The following C9orf72 variants were observed in gnomAD, a reference collection of about 807,000 sequenced individuals.
C9orf72 encodes C9orf72-SMCR8 complex subunit, also known as guanine nucleotide exchange factor C9orf72.
C9orf72 carries 44 observed loss-of-function variants against 51.6 expected under a neutral mutation model. That is an observed-to-expected ratio of 0.85 (90% CI 0.67 to 1.10). The LOEUF (loss-of-function observed/expected upper bound fraction) is 1.10. Ranked by LOEUF, C9orf72 falls within the 50% of genes least tolerant of loss-of-function variation. C9orf72 has a pLI of 0.00. For missense variants in C9orf72, 607 were observed against 570.6 expected (o/e 1.06, Z -0.65); for synonymous variants, 213 against 194.2 (o/e 1.10, Z -0.81).
chr9:27,552,004 C>A (rs1037986399), intron 8 of C9orf72, among the ~76,000 whole-genome samples: 2 of 152,120 alleles, frequency 1.3e-5, no homozygotes, highest in Admixed American at 1.3e-4. Flanking sequence ...ATAGAGAATG[C>A]CAAAACTTTG....
chr9:27,560,727 T>G (rs984377157), intron 5 of C9orf72: 1 of 986,150 alleles, frequency 1.0e-6, no homozygotes, highest in Admixed American at 6.1e-5. Context: ...AACACACTCA[T>G]GCCTCTGATA....
rs1306246315 is a variant in C9orf72, at chr9:27,566,796, T to C, written c.325A>G (p.Thr109Ala). ...GGAAGTATAATTGATAGTCCATATGTGCTGCGATCCCCATTCCAGTTTCCA... is the reference window on the plus strand; with the variant it reads ...GGAAGTATAATTGATAGTCCATATGCGCTGCGATCCCCATTCCAGTTTCCA... Reference protein sequence around the residue: ...FDGNWNGDRSTYGLSIILPQT... With the variant: ...FDGNWNGDRSAYGLSIILPQT... Residue 109 changes from threonine to alanine, a missense_variant, in exon 2 of 11, where the codon ACA (threonine) becomes GCA (alanine). Thr to Ala is a moderately conservative substitution (Grantham distance 58). Transcript: ENST00000380003. The C allele has an allele frequency of 3.7e-6, 6 of 1,613,896 alleles. No homozygotes were observed. Among genetic ancestry groups the C allele is most frequent in the East Asian group, 2.2e-5 (1 of 44,870 alleles).
rs914084156 is a variant in C9orf72, at chr9:27,573,461, G to C, written c.-75C>G. ...CGCCACCGCCTGCGCCTCCGCCGCC[G>C]CGGGCGCAGGCACCGCAACCGCAGC... On this transcript the variant is annotated 5_prime_UTR_variant, in exon 1 of 11. Transcript: ENST00000380003. The C allele has an allele frequency of 6.9e-5, 10 of 144,954 alleles. No homozygotes were observed. The highest frequency in any genetic ancestry group is 5.5e-4 in the Admixed American group (8 of 14,466). The allele number at this position is 144,954 out of a possible 1,614,324, so 9.0% of individuals were successfully genotyped here.
chr9:27,573,420 TC>T lies in C9orf72; in HGVS notation c.-45+10del, dbSNP rs1819635005. On this transcript the variant is annotated intron_variant, in intron 1 of 10. Coordinates refer to ENST00000380003, the MANE Select transcript of C9orf72 (RefSeq NM_018325.5). The stretch of plus-strand genomic sequence containing the variant: ...AACAGCCACCCGCCAGGATGCCGCC[TC>T]CTCACTCACCCACTCGCCACCGCCT... 1.3e-5 allele frequency: 2 copies of T among 150,990 alleles called. No individual in the cohort carries two copies. The highest frequency in any genetic ancestry group is 4.9e-5 in the African/African-American group (2 of 40,796). 9.4% of individuals were successfully genotyped at this position (150,990 alleles called of 1,614,324 possible).
chr9:27,571,141 G>C (rs1233565379), intron 1 of C9orf72: 4 of 152,154 alleles, frequency 2.6e-5, no homozygotes, highest in African/African-American at 9.7e-5. Context: ...CGTACATGTA[G>C]TGCTGTCTAC....
At chr9:27,553,038 C>T (rs1328103060) in intron 8 of C9orf72, among the ~76,000 whole-genome samples, 1 of 151,988 alleles carries the variant, frequency 6.6e-6, no homozygotes, top group Non-Finnish European at 1.5e-5. Context: ...GGAATAATAC[C>T]AGCTTTTCTT....
rs888164160 is a variant in C9orf72 at position 27,548,182 on chromosome 9, G to A, written c.*54C>T. On this transcript the variant is annotated 3_prime_UTR_variant, in exon 11 of 11. Coordinates refer to ENST00000380003, the MANE Select transcript of C9orf72 (RefSeq NM_018325.5). The stretch of plus-strand genomic sequence containing the variant: ...GGGGAACGTTTCCCCACACCACTGA[G>A]CTACTTTACCAGCGATCATGATTGT... 7 of 1,388,422 alleles carry A rather than the reference G, an allele frequency of 5.0e-6. No homozygotes were observed. The highest frequency in any genetic ancestry group is 1.5e-5 in the African/African-American group (1 of 68,678). 86.0% of individuals were successfully genotyped at this position (1,388,422 alleles called of 1,614,324 possible). A position where few individuals can be genotyped will look rare whatever the true frequency, so the allele number is the denominator to read the frequency against.
intron 7 of C9orf72, among the ~76,000 whole-genome samples, chr9:27,558,045 C>T (rs1323285152): frequency 2.7e-5 from 4 of 149,520 alleles, no homozygotes; most frequent in Admixed American, 2.7e-4. Flanking sequence ...AAGAAAAATA[C>T]AATTTTTTTC....
At chr9:27,555,540 C>T (rs1184262981) in intron 8 of C9orf72, among the ~76,000 whole-genome samples, 2 of 149,382 alleles carry the variant, frequency 1.3e-5, no homozygotes, top group African/African-American at 4.9e-5. Flanking sequence ...CTTCTATGTG[C>T]CAGGCATTAT....
intron 8 of C9orf72, among the ~76,000 whole-genome samples, chr9:27,555,088 G>A (rs923968568): frequency 2.0e-5 from 3 of 151,970 alleles, no homozygotes; most frequent in Non-Finnish European, 4.4e-5. Flanking sequence ...TCAAAAAACG[G>A]AAAAAATACT....
At chr9:27,552,494 G>A (rs1563899534) in intron 8 of C9orf72, among the ~76,000 whole-genome samples, 1 of 149,180 alleles carries the variant, frequency 6.7e-6, no homozygotes, top group African/African-American at 2.5e-5. Context: ...GACTATAGGT[G>A]CATGTCACCA....
At position 27,548,124 on chromosome 9, in the gene C9orf72, A is replaced by G; in HGVS notation, c.*112T>C. Reference sequence around the variant, plus strand: ...CTGTAGTGTAACTTACTTAACTGCAATTGCTGAGAGCAGAATTCTGGAGTA... The same window carrying G: ...CTGTAGTGTAACTTACTTAACTGCAGTTGCTGAGAGCAGAATTCTGGAGTA... On this transcript the variant is annotated 3_prime_UTR_variant, in exon 11 of 11. Transcript: ENST00000380003. 1 of 739,070 alleles carries G rather than the reference A, an allele frequency of 1.4e-6. No homozygotes were observed. Among genetic ancestry groups the G allele is most frequent in the African/African-American group, 1.8e-5 (1 of 55,218 alleles). 45.8% of individuals were successfully genotyped at this position (739,070 alleles called of 1,614,324 possible). A position where few individuals can be genotyped will look rare whatever the true frequency, so the allele number is the denominator to read the frequency against.
Position 27,548,404 on chromosome 9 carries a change from G to C in C9orf72, c.1278C>G (p.Pro426=). 4 of 1,175,004 alleles carry C rather than the reference G, an allele frequency of 3.4e-6. No homozygotes were observed. Among genetic ancestry groups the C allele is most frequent in the Non-Finnish European group, 4.6e-6 (4 of 860,870 alleles). The allele number at this position is 1,175,004 out of a possible 1,614,324, so 72.8% of individuals were successfully genotyped here. Residue 426 remains proline, a synonymous_variant, in exon 11 of 11, where the codon CCC becomes CCG. Coordinates refer to ENST00000380003, the MANE Select transcript of C9orf72 (RefSeq NM_018325.5). ...IEDDTQKGKK[P]FKSLRNLKID... ...TCTTCAGGTTCCGAAGAGATTTAAAGGGCTTTTTTCCCTTCTGCCTAAAAA... is the reference window on the plus strand; with the variant it reads ...TCTTCAGGTTCCGAAGAGATTTAAACGGCTTTTTTCCCTTCTGCCTAAAAA...
intron 3 of C9orf72, among the ~76,000 whole-genome samples, chr9:27,562,995 C>A (rs756153346): frequency 2.4e-4 from 36 of 151,972 alleles, no homozygotes; most frequent in South Asian, 6.2e-4. Flanking sequence ...AGTCATCATG[C>A]CTCTTTTAGA....
At chr9:27,548,994 G>A (rs1222446752) in intron 9 of C9orf72, among the ~76,000 whole-genome samples, 1 of 151,990 alleles carries the variant, frequency 6.6e-6, no homozygotes, top group East Asian at 1.9e-4. Context: ...ACAGGCACAC[G>A]CTGCCACGCC....
At chr9:27,559,240 C>A (rs1819280531) in intron 6 of C9orf72, 1 of 145,442 alleles carries the variant, frequency 6.9e-6, no homozygotes, top group Non-Finnish European at 1.5e-5. Context: ...TATTCTCCCT[C>A]AAGAGGATGG....
chr9:27,556,979 T>C (rs114348728), intron 7 of C9orf72, among the ~76,000 whole-genome samples, 183 bp from the exon 8 acceptor site: 21 of 152,282 alleles, frequency 1.4e-4, no homozygotes, highest in Admixed American at 9.2e-4. Context: ...TTGGTTTCAA[T>C]AGCAAAACAT....
chr9:27,571,402 A>G (rs1819583390), intron 1 of C9orf72: 1 of 152,234 alleles, frequency 6.6e-6, no homozygotes, highest in African/African-American at 2.4e-5. Context: ...ATTGGTATTT[A>G]GAAAGGTGGT....
At position 27,556,694 on chromosome 9, in the gene C9orf72, G is replaced by A; in HGVS notation, c.958C>T (p.Pro320Ser). 6.2e-7 allele frequency: 1 copy of A among 1,613,860 alleles called. No individual in the cohort carries two copies. Among genetic ancestry groups the A allele is most frequent in the Non-Finnish European group, 8.5e-7 (1 of 1,179,790 alleles). ...TGATTATAAATATGTTCATGACAGGGTGGCATCTGCTTCACAGTATTGACA... is the reference window on the plus strand; with the variant it reads ...TGATTATAAATATGTTCATGACAGGATGGCATCTGCTTCACAGTATTGACA... ...VDVNTVKQMPPCHEHIYNQRR... is the reference protein window; with the variant it reads ...VDVNTVKQMPSCHEHIYNQRR... The change falls in exon 8 of 11, where the codon CCC becomes TCC. Residue 320 changes from proline to serine, a missense_variant. Coordinates refer to ENST00000380003, the MANE Select transcript of C9orf72 (RefSeq NM_018325.5).
Sources: allele counts gnomAD v4.1 joint callset (sites outside exome capture counted in the v4.1 genomes callset), GRCh38; gene constraint gnomAD v4.1.1; transcripts MANE v1.5; gene names NCBI Gene and HGNC (gene_info 2026-07-23, HGNC 2026-07-21).